The following SVIL variants were observed in gnomAD, a reference collection of about 807,000 sequenced individuals.
The protein encoded by SVIL is archvillin.
Under a neutral mutation model 240.4 loss-of-function variants are expected in SVIL, and 101 were observed. That is an observed-to-expected ratio of 0.42 (90% CI 0.36 to 0.50). SVIL has a LOEUF of 0.50. Ranked by LOEUF, SVIL falls within the 20% of genes least tolerant of loss-of-function variation. The pLI, the probability that SVIL is intolerant of heterozygous loss-of-function variation, is 0.01. For synonymous variants in SVIL, 999 were observed against 1,100.0 expected (o/e 0.91, Z 1.82); for missense variants, 2,512 against 2,818.7 (o/e 0.89, Z 2.46).
At chr10:29,594,762 G>T (rs1218542697) in intron 1 of SVIL, among the ~76,000 whole-genome samples, 1 of 152,102 alleles carries the variant, frequency 6.6e-6, no homozygotes, top group Non-Finnish European at 1.5e-5. Flanking sequence ...TCGCCATATT[G>T]CCTAGGCCAG....
chr10:29,701,059 C>T (rs76144684), intron 1 of SVIL, among the ~76,000 whole-genome samples: 10,298 of 152,118 alleles, frequency 0.068, 469 homozygotes, highest in African/African-American at 0.12. Context: ...ATCATATTTG[C>T]ATGTTACAGT....
intron 6 of SVIL, among the ~76,000 whole-genome samples, chr10:29,549,814 T>G (rs1383463063): frequency 7.8e-6 from 1 of 128,804 alleles, no homozygotes; most frequent in Non-Finnish European, 1.6e-5. Flanking sequence ...TAGGTGGGAA[T>G]TGAACAATGA....
At chr10:29,530,926 G>A (rs1033283854) in intron 10 of SVIL, among the ~76,000 whole-genome samples, 11 of 152,128 alleles carry the variant, frequency 7.2e-5, no homozygotes, top group African/African-American at 2.4e-4. Context: ...TTGTCTGATC[G>A]AGATTTCATG....
intron 1 of SVIL, among the ~76,000 whole-genome samples, chr10:29,624,955 G>A (rs1281279109): frequency 1.3e-5 from 2 of 152,100 alleles, no homozygotes; most frequent in Non-Finnish European, 2.9e-5. Flanking sequence ...CTTTCAACTT[G>A]GGCAAAATTA....
At chr10:29,705,715 C>T (rs1962842835) in intron 1 of SVIL, among the ~76,000 whole-genome samples, 1 of 152,118 alleles carries the variant, frequency 6.6e-6, no homozygotes, top group East Asian at 1.9e-4. Context: ...TCAACTCCTA[C>T]TTATGAGTGA....
Position 29,463,732 on chromosome 10 carries a change from C to A in SVIL, c.6134-97G>T, listed in dbSNP as rs1944546277. 4 of 1,506,404 alleles carry A rather than the reference C, an allele frequency of 2.7e-6. No homozygotes were observed. The East Asian group carries it at 9.3e-5, about 35-fold the overall frequency. 93.3% of individuals were successfully genotyped at this position (1,506,404 alleles called of 1,614,324 possible). ...ACCTAGTGGATGTTGTCCCTCTTGACTGCAGTGTCACAGGGGGAAACCCCC... is the reference window on the plus strand; with the variant it reads ...ACCTAGTGGATGTTGTCCCTCTTGAATGCAGTGTCACAGGGGGAAACCCCC... On this transcript the variant is annotated intron_variant, in intron 34 of 37. Coordinates refer to ENST00000355867, the MANE Select transcript of SVIL (RefSeq NM_021738.3).
chr10:29,493,962 C>CCCAG (rs1224413307), intron 20 of SVIL, among the ~76,000 whole-genome samples: 3 of 152,096 alleles, frequency 2.0e-5, no homozygotes, highest in African/African-American at 7.2e-5. Flanking sequence ...ATCGCTTGAG[C>CCCAG]CCAGGACTTC....
intron 6 of SVIL, among the ~76,000 whole-genome samples, chr10:29,547,432 C>T (rs984930105): frequency 3.9e-5 from 6 of 152,040 alleles, no homozygotes; most frequent in South Asian, 4.1e-4. Context: ...GAAGTCCTTA[C>T]AATTTCTTAA....
chr10:29,480,475 G>T, intron 29 of SVIL, 62 bp downstream of exon 29: 1 of 1,583,172 alleles, frequency 6.3e-7, no homozygotes, highest in Non-Finnish European at 8.6e-7. Flanking sequence ...GGAGAAGCTG[G>T]CTCCCGCAGG....
intron 1 of SVIL, among the ~76,000 whole-genome samples, chr10:29,706,106 G>A (rs1195679991): frequency 6.6e-6 from 1 of 152,182 alleles, no homozygotes; most frequent in African/African-American, 2.4e-5. Flanking sequence ...TGTAAATAGT[G>A]CTGCAATAAA....
chr10:29,568,787 GTGGATGGATGGATGGA>G (rs10667163), intron 2 of SVIL, among the ~76,000 whole-genome samples: 10 of 139,782 alleles, frequency 7.2e-5, no homozygotes, highest in African/African-American at 2.5e-4. Context: ...GGGTGGATGG[GTGGATGGATGGATGGA>G]TGGATGGATG....
At chr10:29,718,896 G>A (rs1168012009) in intron 1 of SVIL, among the ~76,000 whole-genome samples, 1 of 152,126 alleles carries the variant, frequency 6.6e-6, no homozygotes, top group Non-Finnish European at 1.5e-5. Context: ...GTTTACCTGA[G>A]GTCGAGAGTT....
intron 1 of SVIL, among the ~76,000 whole-genome samples, chr10:29,730,833 C>T (rs1256646619): frequency 1.3e-5 from 2 of 152,146 alleles, no homozygotes; most frequent in Non-Finnish European, 1.5e-5. Flanking sequence ...GCGATTGAAA[C>T]TCACTGAATA....
chr10:29,640,499 A>G (rs1039233113), intron 3 of SVIL, among the ~76,000 whole-genome samples: 5 of 152,210 alleles, frequency 3.3e-5, no homozygotes, highest in African/African-American at 1.2e-4. Context: ...CTAAAGCAGA[A>G]GTCAGAAGAC....
chr10:29,723,199 G>C (rs1040934753), intron 1 of SVIL, among the ~76,000 whole-genome samples: 5 of 152,138 alleles, frequency 3.3e-5, no homozygotes, highest in African/African-American at 1.2e-4. Flanking sequence ...GTGAGACCTT[G>C]TCTCTTCAAA....
Position 29,486,538 on chromosome 10 carries a change from A to G in SVIL, c.4505T>C (p.Leu1502Ser). Residue 1502 changes from leucine to serine, a missense_variant, in exon 25 of 38, where the codon TTA becomes TCA. Physicochemically the swap from Leu to Ser is moderately radical, Grantham distance 145 (BLOSUM62 -2). Transcript: ENST00000355867. ...ACCAAGTTCCCTCTTTGTCTGAATT[A>G]AAGTTGCAAGTTCTGAGGCCTAAAA... ...EKAKASELAT[L>S]IQTKRELGCR... The G allele has an allele frequency of 6.2e-7, 1 of 1,614,224 alleles. No individual in the cohort carries two copies. Among genetic ancestry groups the G allele is most frequent in the Non-Finnish European group, 8.5e-7 (1 of 1,180,044 alleles).
intron 20 of SVIL, among the ~76,000 whole-genome samples, 155 bp from the exon 21 acceptor site, chr10:29,493,546 C>T (rs1948160461): frequency 6.6e-6 from 1 of 152,164 alleles, no homozygotes; most frequent in South Asian, 2.1e-4. Context: ...TTCCCAGGCC[C>T]TTACTTAATC....
At chr10:29,521,796 ATTCTT>A (rs1322625412) in intron 16 of SVIL, among the ~76,000 whole-genome samples, 5 of 152,218 alleles carry the variant, frequency 3.3e-5, no homozygotes, top group Admixed American at 1.3e-4. Context: ...ACCCTACGTC[ATTCTT>A]TTGAAAGAAA....
chr10:29,493,180 C>T, intron 21 of SVIL, 34 bp downstream of exon 21: 2 of 1,600,494 alleles, frequency 1.2e-6, no homozygotes, highest in Non-Finnish European at 1.7e-6. Flanking sequence ...AAGCCCTTCT[C>T]AGTGGAGGAA....
Sources: gnomAD v4.1 joint callset for allele counts (sites outside exome capture counted in the v4.1 genomes callset) on GRCh38, gnomAD v4.1.1 for gene constraint, MANE v1.5 for transcripts, NCBI Gene and HGNC (gene_info 2026-07-23, HGNC 2026-07-21) for gene names.